Variants in TLN2 observed in about 807,000 individuals in gnomAD.
TLN2 encodes talin-2.
Under a neutral mutation model 294.7 loss-of-function variants are expected in TLN2, and 118 were observed. That is an observed-to-expected ratio of 0.40 (90% CI 0.34 to 0.47). The LOEUF is 0.47. Ranked by LOEUF, TLN2 falls within the 20% of genes least tolerant of loss-of-function variation. The pLI is 0.84. For synonymous variants in TLN2, 1,431 were observed against 1,304.5 expected, an observed-to-expected ratio of 1.10 and a Z score of -2.09; for missense variants, 3,083 against 3,282.2, an observed-to-expected ratio of 0.94 and a Z score of 1.48.
chr15:62,738,247 T>A lies in TLN2; in HGVS notation c.3601T>A (p.Cys1201Ser). The A allele has an allele frequency of 1.2e-6, 2 of 1,614,136 alleles. No individual in the cohort carries two copies. Among genetic ancestry groups the A allele is most frequent in the Non-Finnish European group, 1.7e-6 (2 of 1,180,006 alleles). Residue 1201 changes from cysteine to serine, a missense_variant, in exon 30 of 59, where the codon TGC becomes AGC. Physicochemically the swap from Cys to Ser is moderately radical, Grantham distance 112. Coordinates refer to ENST00000636159, the MANE Select transcript of TLN2 (RefSeq NM_015059.3). ...AKAVSHSLNN[C>S]VNCLPGQKDV... is the part of the protein sequence containing the mutation. The stretch of plus-strand genomic sequence containing the variant: ...AGCCGTCTCACACTCCTTGAATAAC[T>A]GCGTAAATTGCCTCCCTGGGCAGAA...
chr15:62,501,763 C>G (rs552830256), intron 1 of TLN2, among the ~76,000 whole-genome samples: 7 of 152,282 alleles, frequency 4.6e-5, no homozygotes, highest in Non-Finnish European at 8.8e-5. Context: ...TGATTGCATG[C>G]TCTGACTAAT....
chr15:62,736,078 C>G (rs545203961), intron 28 of TLN2, among the ~76,000 whole-genome samples: 1 of 151,878 alleles, frequency 6.6e-6, no homozygotes, highest in Admixed American at 6.6e-5. Flanking sequence ...TTTGGGAGGC[C>G]GAGGTGGGCA....
chr15:62,605,248 A>C (rs937145716), intron 2 of TLN2, among the ~76,000 whole-genome samples: 3 of 152,232 alleles, frequency 2.0e-5, no homozygotes, highest in Non-Finnish European at 4.4e-5. Flanking sequence ...GTTTATATGA[A>C]ATATCCTAGC....
intron 3 of TLN2, among the ~76,000 whole-genome samples, chr15:62,643,724 T>C (rs552346091): frequency 2.0e-5 from 3 of 152,190 alleles, no homozygotes; most frequent in South Asian, 4.2e-4. Context: ...GGAATTGACA[T>C]GTCCAGAGGT....
chr15:62,500,830 A>C (rs750421156), intron 1 of TLN2, among the ~76,000 whole-genome samples: 2 of 152,212 alleles, frequency 1.3e-5, no homozygotes, highest in African/African-American at 2.4e-5. Context: ...CTTCTTGAGC[A>C]GTTAAAGACG....
intron 24 of TLN2, 120 bp from the exon 25 acceptor site, chr15:62,719,647 G>A (rs868801526): frequency 1.4e-6 from 1 of 695,664 alleles, no homozygotes; most frequent in Non-Finnish European, 2.3e-6. Context: ...CCAAGGTCTG[G>A]GGCTGGCGTC....
intron 51 of TLN2, among the ~76,000 whole-genome samples, chr15:62,807,481 G>GA (rs2066369873): frequency 6.6e-6 from 1 of 152,162 alleles, no homozygotes; most frequent in South Asian, 2.1e-4. Flanking sequence ...GCTACTCAGG[G>GA]CCTCCCAGAT....
intron 1 of TLN2, among the ~76,000 whole-genome samples, chr15:62,576,798 A>G (rs2044458581): frequency 6.6e-6 from 1 of 152,020 alleles, no homozygotes; most frequent in African/African-American, 2.4e-5. Context: ...CTCTGTCTAG[A>G]GGAGCTGATT....
At chr15:62,453,985 G>A (rs1290353314) in intron 1 of TLN2, among the ~76,000 whole-genome samples, 2 of 152,114 alleles carry the variant, frequency 1.3e-5, no homozygotes, top group East Asian at 3.9e-4. Flanking sequence ...ACCCCCAGGT[G>A]CCAGTGGCTG....
At chr15:62,805,435 C>G (rs2066211052) in intron 50 of TLN2, among the ~76,000 whole-genome samples, 165 bp from the exon 51 acceptor site, 1 of 152,220 alleles carries the variant, frequency 6.6e-6, no homozygotes, top group African/African-American at 2.4e-5. Flanking sequence ...TTCTTGAAAA[C>G]AAGAACCATA....
At chr15:62,687,707 A>G (rs1313250836) in intron 12 of TLN2, 2 of 152,230 alleles carry the variant, frequency 1.3e-5, no homozygotes, top group African/African-American at 4.8e-5. Flanking sequence ...ATAATAGGAC[A>G]TCAGAAAAAA....
intron 1 of TLN2, among the ~76,000 whole-genome samples, chr15:62,549,445 A>C (rs1321758004): frequency 6.8e-6 from 1 of 147,536 alleles, no homozygotes; most frequent in East Asian, 1.9e-4. Context: ...ACTGAAGTTT[A>C]ATAGTGCCAC....
chr15:62,571,306 G>C (rs1056025341), intron 1 of TLN2, among the ~76,000 whole-genome samples: 25 of 152,078 alleles, frequency 1.6e-4, no homozygotes, highest in African/African-American at 5.3e-4. Context: ...CATGTCATCT[G>C]GGGGGACGGT....
intron 1 of TLN2, among the ~76,000 whole-genome samples, chr15:62,492,543 C>CAAAAAAA (rs35935035): frequency 3.5e-5 from 3 of 84,626 alleles, no homozygotes; most frequent in Non-Finnish European, 7.9e-5. Flanking sequence ...GACTCTGTCT[C>CAAAAAAA]AAAAAAAAAA....
rs72753901 is a variant in TLN2 at position 62,580,824 on chromosome 15, C to T, written c.-237-8863C>T. On this transcript the variant is annotated intron_variant, in intron 1 of 58. Transcript: ENST00000636159. ...TTCACTGCCCAAAAAATCCTCAGTG[C>T]TGCTTATTTTTTCCTGCCTTCGCCC... Among the ~76,000 whole-genome samples the T allele has an allele frequency of 7.9e-3, 1,102 of 140,148 alleles. 6 individuals carry two copies. Among genetic ancestry groups the T allele is most frequent in the Non-Finnish European group, 0.011 (735 of 64,628 alleles). The allele number at this position is 140,148 out of a possible 152,430, so 91.9% of individuals were successfully genotyped here.
At chr15:62,491,351 TACACACACACACACACACACACAC>T (rs1166046640) in intron 1 of TLN2, among the ~76,000 whole-genome samples, 5 of 100,304 alleles carry the variant, frequency 5.0e-5, no homozygotes, top group African/African-American at 1.8e-4. Flanking sequence ...TATATATATA[TACACACACACACACACACACACAC>T]ACACACACAC....
At chr15:62,533,825 C>T (rs190081558) in intron 1 of TLN2, among the ~76,000 whole-genome samples, 44 of 152,242 alleles carry the variant, frequency 2.9e-4, no homozygotes, top group Non-Finnish European at 5.6e-4. Context: ...AGAAGGGCCC[C>T]ATGCAGCAAG....
rs556852654 is a variant in TLN2 at position 62,757,806 on chromosome 15, G to A, written c.4638+2113G>A. On this transcript the variant is annotated intron_variant, in intron 37 of 58. Coordinates refer to ENST00000636159, the MANE Select transcript of TLN2 (RefSeq NM_015059.3). ...CAATGCAAGAGGAACAGAAATGAAC[G>A]TGCTGCCCCTCCGCGTGTGGAAATG... Among the ~76,000 whole-genome samples the A allele has an allele frequency of 5.3e-5, 8 of 152,294 alleles. 1 individual carries two copies. In the South Asian group the frequency reaches 1.5e-3, roughly 28 times the overall value.
chr15:62,616,808 G>T (rs1489249073), intron 2 of TLN2, among the ~76,000 whole-genome samples: 1 of 152,128 alleles, frequency 6.6e-6, no homozygotes, highest in East Asian at 1.9e-4. Context: ...TTTTGCTACT[G>T]CTTTTTAAAA....
Sources: allele counts gnomAD v4.1 joint callset (sites outside exome capture counted in the v4.1 genomes callset), GRCh38; gene constraint gnomAD v4.1.1; transcripts MANE v1.5; gene names NCBI Gene and HGNC (gene_info 2026-07-23, HGNC 2026-07-21).